Variants in TRIP11 observed in about 807,000 individuals in gnomAD.
TRIP11 encodes thyroid hormone receptor interactor 11, also known as thyroid receptor-interacting protein 11.
TRIP11 carries 148 observed loss-of-function variants against 223.1 expected under a neutral mutation model. The observed-to-expected ratio is 0.66, with a 90% CI of 0.58 to 0.76. The LOEUF (loss-of-function observed/expected upper bound fraction) is 0.76. TRIP11 is among the 30% of genes least tolerant of loss of function. The pLI is 0.00. For synonymous variants in TRIP11, 762 were observed against 772.6 expected, an observed-to-expected ratio of 0.99 and a Z score of 0.23; for missense variants, 2,043 against 2,222.0, an observed-to-expected ratio of 0.92 and a Z score of 1.62.
intron 2 of TRIP11, among the ~76,000 whole-genome samples, chr14:92,032,523 A>G (rs528278068): frequency 1.3e-5 from 2 of 152,302 alleles, no homozygotes; most frequent in East Asian, 3.9e-4. Flanking sequence ...GCTCCAGGTT[A>G]AACAGAATTG....
At chr14:92,017,238 TA>T (rs998442916) in intron 5 of TRIP11, among the ~76,000 whole-genome samples, 25 of 151,724 alleles carry the variant, frequency 1.6e-4, no homozygotes, top group Middle Eastern at 6.8e-3. Flanking sequence ...TAAAGAATAT[TA>T]AAAAAAAATA....
chr14:92,018,590 T>C (rs1281319544), intron 4 of TRIP11, among the ~76,000 whole-genome samples: 1 of 152,022 alleles, frequency 6.6e-6, no homozygotes, highest in Admixed American at 6.6e-5. Context: ...ATAGAAAAAA[T>C]ACAGGATTTA....
At position 91,974,395 on chromosome 14, in the gene TRIP11, T is replaced by C. The variant is rs74071674; in HGVS notation, c.5574+232A>G. Among the ~76,000 whole-genome samples, 2,019 of 152,284 alleles carry C rather than the reference T, an allele frequency of 0.013. 31 individuals are homozygous for C. The highest frequency in any genetic ancestry group is 0.045 in the African/African-American group (1,889 of 41,558). On this transcript the variant is annotated intron_variant, in intron 19 of 20. Coordinates refer to ENST00000267622, the MANE Select transcript of TRIP11 (RefSeq NM_004239.4). The stretch of plus-strand genomic sequence containing the variant: ...CAAGTACAAAGGAAAAGTTAATATT[T>C]TGAAAAATAAAAGCACCATATAGAG...
At chr14:92,027,043 C>G (rs767297267) in intron 2 of TRIP11, among the ~76,000 whole-genome samples, 1 of 152,170 alleles carries the variant, frequency 6.6e-6, no homozygotes, top group Non-Finnish European at 1.5e-5. Context: ...GCGCTCTCCA[C>G]CACGCAACCC....
Position 91,967,319 on chromosome 14 carries a change from A to T in TRIP11, c.*2354T>A. On this transcript the variant is annotated 3_prime_UTR_variant, in exon 21 of 21. Coordinates refer to ENST00000267622, the MANE Select transcript of TRIP11 (RefSeq NM_004239.4). ...ATGCCCAGCTAATTTTTGTATTTTT[A>T]GTAGAGATGGGGTTTCACCATGTTG... The T allele has an allele frequency of 5.8e-6, 1 of 173,538 alleles. No homozygotes were observed. The highest frequency in any genetic ancestry group is 1.0e-4 in the East Asian group (1 of 9,886). The allele number at this position is 173,538 out of a possible 1,614,324, so 10.7% of individuals were successfully genotyped here. A position where few individuals can be genotyped will look rare whatever the true frequency, so the allele number is the denominator to read the frequency against.
At position 92,039,720 on chromosome 14, in the gene TRIP11, G is replaced by GA. The variant is rs1268028038; in HGVS notation, c.-36dup. On this transcript the variant is annotated 5_prime_UTR_variant, in exon 1 of 21. Transcript: ENST00000267622. ...TTTAGAGAACGACCCGGTCCGCTCG[G>GA]AAAAAAGAAAACGTTTAGCGCCGCC... 6 of 1,599,802 alleles carry GA rather than the reference G, an allele frequency of 3.8e-6. No individual in the cohort carries two copies. The African/African-American group carries it at 6.7e-5, about 18-fold the overall frequency.
At position 92,007,546 on chromosome 14, in the gene TRIP11, A is replaced by G. The variant is rs551187217; in HGVS notation, c.1527+94T>C. ...TTACCAAAAAGGTTTGTCAATCTCT[A>G]TGAACTAAAATATTAATTAAATCAC... On this transcript the variant is annotated intron_variant, in intron 10 of 20. Transcript: ENST00000267622. 1.6e-4 allele frequency: 216 copies of G among 1,389,608 alleles called. No individual in the cohort carries two copies. In the African/African-American group the frequency reaches 2.8e-3, roughly 18 times the overall value. The allele number at this position is 1,389,608 out of a possible 1,614,324, so 86.1% of individuals were successfully genotyped here. A position where few individuals can be genotyped will look rare whatever the true frequency, so the allele number is the denominator to read the frequency against.
intron 1 of TRIP11, among the ~76,000 whole-genome samples, chr14:92,035,630 T>G (rs1333604789): frequency 2.0e-5 from 3 of 149,866 alleles, no homozygotes; most frequent in African/African-American, 7.4e-5. Flanking sequence ...CAGGCTGGAG[T>G]GTAGTGGCAC....
intron 16 of TRIP11, among the ~76,000 whole-genome samples, chr14:91,984,295 A>G (rs1231066134): frequency 6.7e-6 from 1 of 149,054 alleles, no homozygotes; most frequent in Non-Finnish European, 1.5e-5. Context: ...ATTTCAATTT[A>G]TCCAATCATT....
At chr14:92,018,653 A>G (rs1299073143) in intron 4 of TRIP11, among the ~76,000 whole-genome samples, 1 of 152,164 alleles carries the variant, frequency 6.6e-6, no homozygotes, top group Non-Finnish European at 1.5e-5. Context: ...AATGGATTAT[A>G]TGACTTAAAC....
rs1186028545 is a variant in TRIP11 at position 92,025,319 on chromosome 14, T to C, written c.303A>G (p.Gln101=). 6.2e-7 allele frequency: 1 copy of C among 1,612,544 alleles called. No individual in the cohort carries two copies. The highest frequency in any genetic ancestry group is 2.2e-5 in the East Asian group (1 of 44,824). ...CTGTGATAACATTTACCTCTTTTTG[T>C]TGAAGTTGATTTCGGTAACTTGTAG... ...QQSTSYRNQL[Q]QKEVEISHLK... is the part of the protein sequence containing the mutation. Residue 101 remains glutamine (Q), a synonymous_variant, in exon 3 of 21, where the codon CAA becomes CAG. Transcript: ENST00000267622.
At chr14:92,036,522 AACCC>A (rs982380404) in intron 1 of TRIP11, among the ~76,000 whole-genome samples, 1 of 152,240 alleles carries the variant, frequency 6.6e-6, no homozygotes, top group African/African-American at 2.4e-5. Context: ...GCAGAATTTC[AACCC>A]ATGTCTCTCT....
intron 11 of TRIP11, among the ~76,000 whole-genome samples, chr14:92,002,996 G>A (rs1046783333): frequency 1.3e-5 from 2 of 152,026 alleles, no homozygotes; most frequent in African/African-American, 2.4e-5. Context: ...GTGTCACAAC[G>A]TGAAATGTAT....
In TRIP11 at chr14:92,010,878, A is replaced by G. The variant is rs144163534; in HGVS notation, c.1314+108T>C. Reference sequence around the variant, plus strand: ...CATCAGTGAGATCAGCTTTATTCTAAGGACTTGAGCTCAATTACTCAACAT... The same window carrying G: ...CATCAGTGAGATCAGCTTTATTCTAGGGACTTGAGCTCAATTACTCAACAT... On this transcript the variant is annotated intron_variant, in intron 9 of 20. Transcript: ENST00000267622. The G allele has an allele frequency of 5.2e-4, 541 of 1,045,920 alleles. No individual in the cohort carries two copies. In the African/African-American group the frequency reaches 7.3e-3, roughly 14 times the overall value. The allele number at this position is 1,045,920 out of a possible 1,614,324, so 64.8% of individuals were successfully genotyped here.
intron 11 of TRIP11, 144 bp downstream of exon 11, chr14:92,003,275 A>T: frequency 8.4e-7 from 1 of 1,193,830 alleles, no homozygotes; most frequent in South Asian, 1.5e-5. Flanking sequence ...AGGAAAATTT[A>T]CTTAGAATGA....
chr14:91,985,004 T>C (rs1223157970), intron 16 of TRIP11, among the ~76,000 whole-genome samples: 1 of 152,220 alleles, frequency 6.6e-6, no homozygotes, highest in Non-Finnish European at 1.5e-5. Context: ...TCGTAGGATT[T>C]ATTTTCTTCG....
intron 5 of TRIP11, among the ~76,000 whole-genome samples, chr14:92,016,128 T>G (rs1242149008): frequency 1.3e-5 from 2 of 152,204 alleles, no homozygotes; most frequent in Non-Finnish European, 2.9e-5. Context: ...TAAAAATGTC[T>G]TTTCCTTAAT....
In TRIP11 at chr14:91,995,456, T is replaced by C; in HGVS notation, c.4952A>G (p.Gln1651Arg). 6.2e-7 allele frequency: 1 copy of C among 1,614,150 alleles called. No homozygotes were observed. Among genetic ancestry groups the C allele is most frequent in the Non-Finnish European group, 8.5e-7 (1 of 1,180,024 alleles). The change falls in exon 14 of 21, where the codon CAA becomes CGA. Residue 1651 changes from glutamine (Q) to arginine (R), a missense_variant. Physicochemically the swap from Gln to Arg is conservative, Grantham distance 43 (BLOSUM62 1). Coordinates refer to ENST00000267622, the MANE Select transcript of TRIP11 (RefSeq NM_004239.4). ...AAGCTGCAGCGCAGTTTCATCCCTT[T>C]GCTTGGAAACTACATTCAACTGTTC... ...LQEQLNVVSK[Q>R]RDETALQLSV...
chr14:92,026,751 A>G (rs1223963133), intron 2 of TRIP11: 2 of 1,096,154 alleles, frequency 1.8e-6, no homozygotes, highest in Admixed American at 1.8e-5. Context: ...AGGAGGAGGA[A>G]GAAGAAGGTG....
Sources: gnomAD v4.1 joint callset for allele counts (sites outside exome capture counted in the v4.1 genomes callset) on GRCh38, gnomAD v4.1.1 for gene constraint, MANE v1.5 for transcripts, NCBI Gene and HGNC (gene_info 2026-07-23, HGNC 2026-07-21) for gene names.